Variants in ROBO2 observed in about 807,000 individuals in gnomAD.
ROBO2 encodes roundabout homolog 2.
A neutral mutation model predicts 160.8 loss-of-function variants in ROBO2; 53 were observed. That is an observed-to-expected ratio of 0.33 (90% CI 0.26 to 0.41). The LOEUF (loss-of-function observed/expected upper bound fraction) is 0.41. ROBO2 is among the 10% of genes least tolerant of loss of function. The pLI is 1.00. For missense variants in ROBO2, 1,577 were observed against 1,722.4 expected (o/e 0.92, Z 1.49); for synonymous variants, 664 against 611.7 (o/e 1.09, Z -1.26).
intron 2 of ROBO2, among the ~76,000 whole-genome samples, chr3:77,019,781 T>C (rs2149499319): frequency 6.6e-6 from 1 of 152,348 alleles, no homozygotes; most frequent in African/African-American, 2.4e-5. Flanking sequence ...TTTCTAAAAT[T>C]CTGTGAAAAA....
intron 2 of ROBO2, among the ~76,000 whole-genome samples, chr3:76,324,784 C>A (rs187709989): frequency 2.4e-4 from 37 of 152,224 alleles, no homozygotes; most frequent in African/African-American, 8.9e-4. Flanking sequence ...TCTCTGTTAC[C>A]TAATATAATC....
chr3:77,210,388 T>C (rs62251847), intron 2 of ROBO2, among the ~76,000 whole-genome samples: 4,329 of 152,104 alleles, frequency 0.028, 68 homozygotes, highest in Middle Eastern at 0.054. Context: ...AAACAAGACA[T>C]AGGTTAAAAA....
chr3:77,518,067 A>G (rs984864258), intron 5 of ROBO2, among the ~76,000 whole-genome samples: 2 of 151,530 alleles, frequency 1.3e-5, no homozygotes, highest in Admixed American at 1.3e-4. Context: ...CTTGTAGGAG[A>G]GAGAGTATAC....
intron 2 of ROBO2, among the ~76,000 whole-genome samples, chr3:76,590,406 C>A (rs546786711): frequency 4.6e-5 from 7 of 152,130 alleles, no homozygotes; most frequent in Non-Finnish European, 1.0e-4. Context: ...CCCATAGTGC[C>A]TCAGTTTAAT....
Position 76,673,397 on chromosome 3 carries a change from C to T in ROBO2, c.110-424617C>T, listed in dbSNP as rs188553866. 2.7e-3 allele frequency among the ~76,000 whole-genome samples: 413 copies of T among 152,162 alleles called. 3 individuals are homozygous for T. Among genetic ancestry groups the T allele is most frequent in the Admixed American group, 2.2e-3 (34 of 15,260 alleles). ...GTGGGTTGGGTGAACTCTGAGAGTT[C>T]GCATTTTTAACTGGTTAGCAATACA... On this transcript the variant is annotated intron_variant, in intron 2 of 26. Coordinates refer to the ROBO2 transcript ENST00000487694.
intron 2 of ROBO2, among the ~76,000 whole-genome samples, chr3:77,216,128 T>A (rs1271397861): frequency 6.6e-6 from 1 of 152,192 alleles, no homozygotes; most frequent in Non-Finnish European, 1.5e-5. Flanking sequence ...GACATTTAAG[T>A]CTGCAGAGGT....
chr3:77,517,194 G>C (rs1318051340), intron 5 of ROBO2, among the ~76,000 whole-genome samples: 5 of 151,544 alleles, frequency 3.3e-5, no homozygotes, highest in Non-Finnish European at 5.9e-5. Flanking sequence ...TGGATTGGTG[G>C]ATAGCAACTA....
intron 2 of ROBO2, among the ~76,000 whole-genome samples, chr3:76,967,192 G>T (rs965740460): frequency 2.0e-5 from 3 of 151,358 alleles, no homozygotes; most frequent in African/African-American, 7.3e-5. Context: ...ACAAGCTGAT[G>T]TTGAGTACTT....
At chr3:76,935,650 T>C (rs951755405) in intron 2 of ROBO2, among the ~76,000 whole-genome samples, 1 of 152,176 alleles carries the variant, frequency 6.6e-6, no homozygotes, top group Non-Finnish European at 1.5e-5. Context: ...GCCAGCAGAT[T>C]GGGTGTCTGC....
At chr3:77,603,973 T>G (rs2153693685) in intron 20 of ROBO2, 1 of 152,302 alleles carries the variant, frequency 6.6e-6, no homozygotes, top group East Asian at 1.9e-4. Context: ...AAGACTATAG[T>G]GTATTATGGC....
In ROBO2 at chr3:76,047,828, C is replaced by G. The variant is rs28496780; in HGVS notation, c.109+110226C>G. On this transcript the variant is annotated intron_variant, in intron 2 of 26. Coordinates refer to the ROBO2 transcript ENST00000487694. Reference sequence around the variant, plus strand: ...TAATAATCTAATCTGCAGATTACTACATTTTTATTACAATAAAGAACTCCT... The same window carrying G: ...TAATAATCTAATCTGCAGATTACTAGATTTTTATTACAATAAAGAACTCCT... 7.0e-3 allele frequency among the ~76,000 whole-genome samples: 1,062 copies of G among 152,222 alleles called. 13 individuals are homozygous for G. The highest frequency in any genetic ancestry group is 0.025 in the African/African-American group (1,030 of 41,536).
intron 2 of ROBO2, among the ~76,000 whole-genome samples, chr3:77,016,841 G>A (rs1210741894): frequency 1.3e-5 from 2 of 152,150 alleles, no homozygotes; most frequent in African/African-American, 2.4e-5. Flanking sequence ...TATACAATAA[G>A]AGCAATTTTG....
At chr3:77,569,262 C>T (rs967279327) in intron 13 of ROBO2, among the ~76,000 whole-genome samples, 2 of 151,996 alleles carry the variant, frequency 1.3e-5, no homozygotes, top group Non-Finnish European at 2.9e-5. Flanking sequence ...ATTTTCTATT[C>T]TCACTAGCAA....
At chr3:76,407,529 T>C (rs2075269555) in intron 2 of ROBO2, among the ~76,000 whole-genome samples, 1 of 151,790 alleles carries the variant, frequency 6.6e-6, no homozygotes, top group African/African-American at 2.4e-5. Context: ...AAAATACCCA[T>C]GTGAATATAG....
intron 2 of ROBO2, among the ~76,000 whole-genome samples, chr3:77,214,959 T>G (rs1466575593): frequency 6.6e-6 from 1 of 152,340 alleles, no homozygotes; most frequent in South Asian, 2.1e-4. Flanking sequence ...GCTGTTAGTC[T>G]GATGGGCTTC....
chr3:76,248,069 A>G (rs372140335), intron 2 of ROBO2, among the ~76,000 whole-genome samples: 12 of 151,982 alleles, frequency 7.9e-5, no homozygotes, highest in African/African-American at 1.9e-4. Flanking sequence ...CAACCATTGT[A>G]GAAGTCAGTG....
At position 76,994,090 on chromosome 3, in the gene ROBO2, G is replaced by GT. The variant is rs796087841; in HGVS notation, c.110-103912dup. Among the ~76,000 whole-genome samples, 439 of 98,918 alleles carry GT rather than the reference G, an allele frequency of 4.4e-3. 4 individuals carry two copies. The highest frequency in any genetic ancestry group is 0.023 in the Middle Eastern group (5 of 214). The allele number at this position is 98,918 out of a possible 152,430, so 64.9% of individuals were successfully genotyped here. On this transcript the variant is annotated intron_variant, in intron 2 of 26. Transcript: ENST00000487694. ...AAAAAAACAAAGATGTGCTTTTTTTGTTTTTTTTTTTTGTTGTTTTAAAGC... is the reference window on the plus strand; with the variant it reads ...AAAAAAACAAAGATGTGCTTTTTTTGTTTTTTTTTTTTTGTTGTTTTAAAGC...
chr3:77,546,945 G>A (rs2092720075), intron 7 of ROBO2, among the ~76,000 whole-genome samples: 1 of 152,050 alleles, frequency 6.6e-6, no homozygotes, highest in Non-Finnish European at 1.5e-5. Flanking sequence ...ATTAAAGCAT[G>A]CTTCCATTTA....
chr3:76,313,527 G>A (rs1171283250), intron 2 of ROBO2, among the ~76,000 whole-genome samples: 1 of 152,170 alleles, frequency 6.6e-6, no homozygotes, highest in Non-Finnish European at 1.5e-5. Flanking sequence ...TGGGATGGGG[G>A]AGAATGAGTC....
Sources: gnomAD v4.1 joint callset for allele counts (sites outside exome capture counted in the v4.1 genomes callset) on GRCh38, gnomAD v4.1.1 for gene constraint, MANE v1.5 for transcripts, NCBI Gene and HGNC (gene_info 2026-07-23, HGNC 2026-07-21) for gene names.